Variants in LMNA observed in about 807,000 individuals in gnomAD.
The protein encoded by LMNA is lamin.
A neutral mutation model predicts 70.4 loss-of-function variants in LMNA; 20 were observed. That is an observed-to-expected ratio of 0.28 (90% confidence interval 0.20 to 0.41). The LOEUF (loss-of-function observed/expected upper bound fraction) is 0.41, where lower values mean the gene tolerates loss of function less well. LMNA is among the 10% of genes least tolerant of loss of function. LMNA has a pLI of 1.00. For synonymous variants in LMNA, 339 were observed against 372.8 expected, an observed-to-expected ratio of 0.91 and a Z score of 1.04; for missense variants, 652 against 917.2, an observed-to-expected ratio of 0.71 and a Z score of 3.73.
Position 156,134,598 on chromosome 1 carries a change from GA to G in LMNA, c.639+71del. The G allele has an allele frequency of 6.2e-7, 1 of 1,606,340 alleles. No homozygotes were observed. Among genetic ancestry groups the G allele is most frequent in the Non-Finnish European group, 8.5e-7 (1 of 1,175,556 alleles). On this transcript the variant is annotated intron_variant, in intron 3 of 11. Transcript: ENST00000368300. This position sits in a 1 kb window ranked among gnomAD's most constrained non-coding sequence, Gnocchi z 5.3. ...GACAGACTTGGGCTGGGCTAGGGGG[GA>G]CCAGCTGTGTGCAGAGCTCGCCTTC... is the stretch of plus-strand genomic sequence containing the variant.
chr1:156,092,295 G>T (rs901456556), intron 3 of LMNA, among the ~76,000 whole-genome samples: 2 of 152,102 alleles, frequency 1.3e-5, no homozygotes, highest in Admixed American at 1.3e-4. Flanking sequence ...TGAGATAGGA[G>T]GAGCACTTGA....
upstream of LMNA, among the ~76,000 whole-genome samples, chr1:156,109,251 C>T (rs191812473): frequency 8.0e-3 from 1,216 of 152,340 alleles, 9 homozygotes; most frequent in Non-Finnish European, 0.011. Flanking sequence ...ACCCACCGGA[C>T]CCTAGTTTGG....
At chr1:156,090,537 C>A (rs1648657002) in exon 3 of LMNA, 1 of 152,132 alleles carries the variant, frequency 6.6e-6, no homozygotes, top group Non-Finnish European at 1.5e-5. Context: ...CATGAAGGGA[C>A]CTGAGGTTCA....
At chr1:156,086,472 A>G (rs1319776032) in intron 2 of LMNA, among the ~76,000 whole-genome samples, 1 of 151,434 alleles carries the variant, frequency 6.6e-6, no homozygotes, top group Admixed American at 6.6e-5. Context: ...TGCCTGGGGA[A>G]CAAAGGACCC....
In LMNA at chr1:156,135,602, A is replaced by G. The variant is rs971188813; in HGVS notation, c.936+290A>G. On this transcript the variant is annotated intron_variant, in intron 5 of 11. Coordinates refer to ENST00000368300, the MANE Select transcript of LMNA (RefSeq NM_170707.4). This position sits in a 1 kb window ranked among gnomAD's most constrained non-coding sequence, Gnocchi z 4.8. ...CTCAGAGTTGCCACAGGACTCTGCA[A>G]TGTGAGGTGTTAAAAGCATCAGTAT... 1.7e-5 allele frequency: 10 copies of G among 588,322 alleles called. No homozygotes were observed. Among genetic ancestry groups the G allele is most frequent in the Non-Finnish European group, 3.0e-5 (10 of 330,694 alleles). The allele number at this position is 588,322 out of a possible 1,614,324, so 36.4% of individuals were successfully genotyped here.
At position 156,136,878 on chromosome 1, in the gene LMNA, G is replaced by A. The variant is rs760095320; in HGVS notation, c.1381-43G>A. The A allele has an allele frequency of 1.3e-6, 2 of 1,548,996 alleles. No homozygotes were observed. The highest frequency in any genetic ancestry group is 1.8e-6 in the Non-Finnish European group (2 of 1,131,184). On this transcript the variant is annotated intron_variant, in intron 7 of 11. Coordinates refer to ENST00000368300, the MANE Select transcript of LMNA (RefSeq NM_170707.4). This position sits in a 1 kb window ranked among gnomAD's most constrained non-coding sequence, Gnocchi z 6.1. Reference sequence around the variant, plus strand: ...TTGAGCAAGATACACCCAAGAGCCTGGGTGAGCCTCCCCGACCTTCCTCTT... The same window carrying A: ...TTGAGCAAGATACACCCAAGAGCCTAGGTGAGCCTCCCCGACCTTCCTCTT...
chr1:156,092,563 C>G (rs1276738868), intron 3 of LMNA, among the ~76,000 whole-genome samples: 6 of 151,452 alleles, frequency 4.0e-5, no homozygotes, highest in Non-Finnish European at 8.8e-5. Context: ...CCTGTAATCC[C>G]AGCTACTTGG....
At position 156,084,326 on chromosome 1, in the gene LMNA, G is replaced by GT. The variant is rs199641844; in HGVS notation, c.-319+1143dup. Among the ~76,000 whole-genome samples the GT allele has an allele frequency of 3.0e-3, 168 of 56,506 alleles. 9 individuals carry two copies. The highest frequency in any genetic ancestry group is 4.3e-3 in the East Asian group (2 of 464). 37.1% of individuals were successfully genotyped at this position (56,506 alleles called of 152,430 possible). A position where few individuals can be genotyped will look rare whatever the true frequency, so the allele number is the denominator to read the frequency against. On this transcript the variant is annotated intron_variant, in intron 2 of 12. Coordinates refer to the LMNA transcript ENST00000368301. ...GAACCTGAGCTGAGGATCTCAGAAG[G>GT]TCGGGGGGTGGTGGGGGCAGTTGGC...
At chr1:156,132,636 A>G (rs796544476) in intron 2 of LMNA, among the ~76,000 whole-genome samples, 8 of 152,046 alleles carry the variant, frequency 5.3e-5, no homozygotes, top group African/African-American at 1.9e-4. Flanking sequence ...AGGCCCTACC[A>G]TCATAGTATA....
At chr1:156,121,046 C>CTTTTT (rs57371677) in intron 1 of LMNA, among the ~76,000 whole-genome samples, 104 of 100,390 alleles carry the variant, frequency 1.0e-3, no homozygotes, top group African/African-American at 1.6e-3. Context: ...CAAATCCATT[C>CTTTTT]TTTTTTTTTT....
In LMNA at chr1:156,134,959, A is replaced by G; in HGVS notation, c.794A>G (p.Lys265Arg). The change falls in exon 4 of 12, where the codon AAG (lysine) becomes AGG (arginine). Residue 265 changes from lysine (K) to arginine (R), a missense_variant. Lys to Arg is a conservative substitution (Grantham distance 26, BLOSUM62 2). This residue lies in a region of LMNA where 254 missense variants were observed against 421.9 expected (regional missense o/e 0.60). Coordinates refer to ENST00000368300, the MANE Select transcript of LMNA (RefSeq NM_170707.4). The surrounding 1 kb of genome is among the most constrained non-coding windows in gnomAD (Gnocchi z 5.3). ...GAGCAGTATAAGAAGGAGCTGGAGA[A>G]GACTTATTCTGCCAAGGTGCTTGCT... ...QVEQYKKELE[K>R]TYSAKLDNAR... The G allele has an allele frequency of 6.2e-7, 1 of 1,614,218 alleles. No individual in the cohort carries two copies. The highest frequency in any genetic ancestry group is 8.5e-7 in the Non-Finnish European group (1 of 1,180,048).
chr1:156,099,867 C>CAAA (rs57524097), intron 3 of LMNA, among the ~76,000 whole-genome samples: 2 of 100,256 alleles, frequency 2.0e-5, no homozygotes, highest in Non-Finnish European at 4.4e-5. Context: ...GCCTGGGTGA[C>CAAA]AAAAAAAAAA....
Position 156,114,843 on chromosome 1 carries a change from T to A in LMNA, c.-76T>A, listed in dbSNP as rs1649685980. 4 of 1,046,028 alleles carry A rather than the reference T, an allele frequency of 3.8e-6. No homozygotes were observed. The highest frequency in any genetic ancestry group is 1.6e-5 in the South Asian group (1 of 61,124). The allele number at this position is 1,046,028 out of a possible 1,614,324, so 64.8% of individuals were successfully genotyped here. A position where few individuals can be genotyped will look rare whatever the true frequency, so the allele number is the denominator to read the frequency against. On this transcript the variant is annotated 5_prime_UTR_variant, in exon 1 of 12. Transcript: ENST00000368300. ...GCCGGCGCACTCCGACTCCGAGCAG[T>A]CTCTGTCCTTCGACCCGAGCCCCGC...
At chr1:156,105,765 C>T (rs1649309587) in intron 3 of LMNA, among the ~76,000 whole-genome samples, 1 of 152,152 alleles carries the variant, frequency 6.6e-6, no homozygotes, top group Non-Finnish European at 1.5e-5. Context: ...AAGAGGGCCT[C>T]CCCACAAAAT....
At chr1:156,131,613 AAAT>A (rs1651069907) in intron 2 of LMNA, among the ~76,000 whole-genome samples, 1 of 152,106 alleles carries the variant, frequency 6.6e-6, no homozygotes, top group Non-Finnish European at 1.5e-5. Context: ...ACATAAAATA[AAAT>A]AATCCACAAG....
intron 1 of LMNA, chr1:156,126,302 C>T: frequency 9.1e-7 from 1 of 1,097,828 alleles, no homozygotes; most frequent in Non-Finnish European, 1.3e-6. Flanking sequence ...CTTTGTCTTC[C>T]CCTCCCACTT....
At chr1:156,098,853 G>A (rs992987546) in intron 3 of LMNA, among the ~76,000 whole-genome samples, 1 of 152,208 alleles carries the variant, frequency 6.6e-6, no homozygotes, top group Admixed American at 6.5e-5. Flanking sequence ...GGAGAGAAAG[G>A]GAGGAACATA....
rs768646227 is a variant in LMNA, at chr1:156,138,463, G to C, written c.1699-25G>C. ...TGGTCAGTCCCAGACTCGCCGTCCC[G>C]CCTGAGCCTTGTCTCCCTTCCCAGG... On this transcript the variant is annotated intron_variant, in intron 10 of 11. Transcript: ENST00000368300. This position sits in a 1 kb window ranked among gnomAD's most constrained non-coding sequence, Gnocchi z 5.5. 1.1e-5 allele frequency: 18 copies of C among 1,608,488 alleles called. No individual in the cohort carries two copies. Among genetic ancestry groups the C allele is most frequent in the Admixed American group, 3.3e-5 (2 of 59,720 alleles).
intron 3 of LMNA, among the ~76,000 whole-genome samples, chr1:156,097,560 G>C (rs753623173): frequency 1.3e-5 from 2 of 152,264 alleles, no homozygotes; most frequent in Non-Finnish European, 2.9e-5. Flanking sequence ...CTGGCCCACG[G>C]TGCCATGGGC....
Sources: gnomAD v4.1 joint callset for allele counts (sites outside exome capture counted in the v4.1 genomes callset) on GRCh38, gnomAD v4.1.1 for gene constraint, gnomAD v4.1.1 regional missense constraint, Gnocchi (gnomAD v3.1) non-coding constraint, MANE v1.5 for transcripts, NCBI Gene and HGNC (gene_info 2026-07-23, HGNC 2026-07-21) for gene names.